The following ERBB4 variants were observed in gnomAD, a reference collection of about 807,000 sequenced individuals.
ERBB4 encodes erb-b2 receptor tyrosine kinase 4, also known as receptor tyrosine-protein kinase erbB-4.
Under a neutral mutation model 158.0 loss-of-function variants are expected in ERBB4, and 42 were observed. The ratio of observed to expected loss-of-function variants is 0.27; its 90% CI spans 0.21 to 0.34. The LOEUF is 0.34. Ranked by LOEUF, ERBB4 falls within the 10% of genes least tolerant of loss-of-function variation. The pLI, the probability that ERBB4 is intolerant of heterozygous loss-of-function variation, is 1.00. For missense variants in ERBB4, 1,333 were observed against 1,624.1 expected, an observed-to-expected ratio of 0.82 and a Z score of 3.08; for synonymous variants, 583 against 558.7, an observed-to-expected ratio of 1.04 and a Z score of -0.61.
intron 3 of ERBB4, among the ~76,000 whole-genome samples, chr2:211,814,462 A>C (rs1055213077): frequency 8.5e-5 from 13 of 152,286 alleles, no homozygotes; most frequent in Admixed American, 7.8e-4. Context: ...ATATTGTAGC[A>C]AATTGCACAG....
chr2:211,659,508 G>C (rs1425112027), intron 15 of ERBB4, among the ~76,000 whole-genome samples: 2 of 151,760 alleles, frequency 1.3e-5, no homozygotes, highest in African/African-American at 4.8e-5. Context: ...CTATCTTCTT[G>C]AAAATTATTT....
intron 2 of ERBB4, among the ~76,000 whole-genome samples, chr2:212,068,119 A>T (rs1029272452): frequency 6.6e-6 from 1 of 152,034 alleles, no homozygotes; most frequent in Non-Finnish European, 1.5e-5. Context: ...CATGATAGTC[A>T]CAGTAGTTTC....
chr2:212,134,380 T>C (rs1469174186), intron 1 of ERBB4, among the ~76,000 whole-genome samples: 1 of 152,086 alleles, frequency 6.6e-6, no homozygotes, highest in Non-Finnish European at 1.5e-5. Context: ...TTTTAAAATA[T>C]CTTTATCAGA....
chr2:212,284,566 T>G (rs892457362), intron 1 of ERBB4, among the ~76,000 whole-genome samples: 2 of 152,108 alleles, frequency 1.3e-5, no homozygotes, highest in African/African-American at 4.8e-5. Context: ...GCATTTCCAT[T>G]TGTGGTGTAC....
chr2:211,415,975 G>A (rs528334180), intron 25 of ERBB4, among the ~76,000 whole-genome samples: 5 of 152,216 alleles, frequency 3.3e-5, no homozygotes, highest in South Asian at 2.1e-4. Context: ...AATCCATTGC[G>A]GGTTACTCAC....
intron 2 of ERBB4, among the ~76,000 whole-genome samples, chr2:212,117,178 G>A (rs1432910439): frequency 6.6e-6 from 1 of 152,120 alleles, no homozygotes; most frequent in Non-Finnish European, 1.5e-5. Flanking sequence ...TATTCTCTCT[G>A]TGTCCTTTTT....
intron 20 of ERBB4, among the ~76,000 whole-genome samples, chr2:211,540,508 GTTTT>G (rs1299571690): frequency 6.6e-6 from 1 of 151,544 alleles, no homozygotes; most frequent in African/African-American, 2.4e-5. Flanking sequence ...TTAAGCTGAG[GTTTT>G]TTTGTTTTGT....
intron 1 of ERBB4, among the ~76,000 whole-genome samples, chr2:212,373,829 A>ATATCCATG (rs1317208455): frequency 7.9e-5 from 7 of 88,632 alleles, no homozygotes; most frequent in Non-Finnish European, 1.7e-4. Flanking sequence ...ATATCCATAT[A>ATATCCATG]TATATATATC....
intron 2 of ERBB4, among the ~76,000 whole-genome samples, chr2:212,121,566 T>C (rs1161542056): frequency 2.6e-5 from 4 of 152,176 alleles, no homozygotes; most frequent in Non-Finnish European, 5.9e-5. Flanking sequence ...CTCCATTGAC[T>C]ACCTTATCCA....
At chr2:211,740,268 T>C (rs1237415001) in intron 5 of ERBB4, among the ~76,000 whole-genome samples, 1 of 152,132 alleles carries the variant, frequency 6.6e-6, no homozygotes, top group Non-Finnish European at 1.5e-5. Context: ...GATAGTAATA[T>C]ATACAAATTA....
At chr2:212,268,491 G>C (rs1319631451) in intron 1 of ERBB4, among the ~76,000 whole-genome samples, 2 of 151,648 alleles carry the variant, frequency 1.3e-5, no homozygotes, top group African/African-American at 4.8e-5. Context: ...AATACACAGG[G>C]ACATAATGAA....
intron 3 of ERBB4, among the ~76,000 whole-genome samples, chr2:211,886,747 C>T (rs1250155167): frequency 6.6e-6 from 1 of 152,058 alleles, no homozygotes; most frequent in Admixed American, 6.5e-5. Context: ...AGCCTGTACT[C>T]TTTCTTCTCT....
At chr2:211,883,215 C>T (rs930530954) in intron 3 of ERBB4, among the ~76,000 whole-genome samples, 4 of 152,164 alleles carry the variant, frequency 2.6e-5, no homozygotes, top group South Asian at 2.1e-4. Flanking sequence ...CCAAACACCG[C>T]GTGTTCTCAC....
At chr2:211,480,115 T>G (rs2065046392) in intron 20 of ERBB4, among the ~76,000 whole-genome samples, 1 of 152,178 alleles carries the variant, frequency 6.6e-6, no homozygotes, top group African/African-American at 2.4e-5. Context: ...TATTTCTTTT[T>G]TCTTCTTGTT....
intron 16 of ERBB4, among the ~76,000 whole-genome samples, chr2:211,637,803 C>T (rs1021556817): frequency 2.6e-5 from 4 of 151,842 alleles, no homozygotes; most frequent in Non-Finnish European, 4.4e-5. Context: ...GTAATGCTAA[C>T]ATTTTATGTA....
At chr2:211,624,187 C>A in intron 17 of ERBB4, 143 bp from the exon 18 acceptor site, 1 of 868,216 alleles carries the variant, frequency 1.2e-6, no homozygotes, top group Non-Finnish European at 1.9e-6. Flanking sequence ...CCAATACCTT[C>A]GTAATATGCA....
intron 2 of ERBB4, among the ~76,000 whole-genome samples, chr2:212,097,612 T>C (rs2078968187): frequency 6.6e-6 from 1 of 152,144 alleles, no homozygotes; most frequent in African/African-American, 2.4e-5. Flanking sequence ...AAATATACCA[T>C]ACTATCAATA....
chr2:211,400,595 T>C (rs1264799375), intron 25 of ERBB4, among the ~76,000 whole-genome samples: 2 of 151,144 alleles, frequency 1.3e-5, no homozygotes, highest in African/African-American at 4.9e-5. Context: ...ATTATGGAGA[T>C]AGAGAGTAGA....
intron 27 of ERBB4, among the ~76,000 whole-genome samples, chr2:211,386,213 G>A (rs1293779916): frequency 6.6e-6 from 1 of 152,010 alleles, no homozygotes; most frequent in Non-Finnish European, 1.5e-5. Flanking sequence ...TGATTTGGGT[G>A]CTTAACATTT....
Sources: gnomAD v4.1 joint callset for allele counts (sites outside exome capture counted in the v4.1 genomes callset) on GRCh38, gnomAD v4.1.1 for gene constraint, MANE v1.5 for transcripts, NCBI Gene and HGNC (gene_info 2026-07-23, HGNC 2026-07-21) for gene names.